Variants in PPP2R3B observed in about 807,000 individuals in gnomAD.
PPP2R3B encodes the protein protein phosphatase 2 regulatory subunit B''beta.
Under a neutral mutation model 72.9 loss-of-function variants are expected in PPP2R3B, and 68 were observed. The observed-to-expected ratio is 0.93, with a 90% CI of 0.77 to 1.14. The LOEUF is 1.14. Ranked by LOEUF, PPP2R3B falls within the 50% of genes most tolerant of loss-of-function variation. PPP2R3B has a pLI of 0.00. For synonymous variants in PPP2R3B, 466 were observed against 375.8 expected (o/e 1.24, Z -2.78); for missense variants, 1,018 against 842.0 (o/e 1.21, Z -2.59).
chrX:383,577 C>T (rs763991086), intron 1 of PPP2R3B, among the ~76,000 whole-genome samples: 2 of 152,184 alleles, frequency 1.3e-5, no homozygotes, highest in Admixed American at 1.3e-4. Flanking sequence ...GTGGCTCACA[C>T]CTGTAATCCC....
intron 12 of PPP2R3B, chrX:336,566 A>T (rs951321079): frequency 2.6e-5 from 4 of 152,316 alleles, no homozygotes; most frequent in Non-Finnish European, 4.4e-5. Flanking sequence ...GAAAGGAAGT[A>T]ACGTACACAG....
chrX:355,502 G>A (rs1298101037), intron 2 of PPP2R3B, among the ~76,000 whole-genome samples: 2 of 152,202 alleles, frequency 1.3e-5, no homozygotes, highest in Non-Finnish European at 2.9e-5. Flanking sequence ...TTCACACGGT[G>A]GGAACGAACA....
intron 2 of PPP2R3B, among the ~76,000 whole-genome samples, chrX:349,864 G>A (rs183941103): frequency 1.2e-4 from 19 of 152,304 alleles, no homozygotes; most frequent in Non-Finnish European, 2.5e-4. Context: ...ACGTGGTGAG[G>A]TGGACCTCAC....
At chrX:360,245 A>C (rs1320593870) in intron 2 of PPP2R3B, among the ~76,000 whole-genome samples, 1 of 152,208 alleles carries the variant, frequency 6.6e-6, no homozygotes, top group East Asian at 1.9e-4. Context: ...TTAAAAAAAC[A>C]AAACCCGGCC....
chrX:363,677 C>A (rs1443924594), intron 1 of PPP2R3B, among the ~76,000 whole-genome samples: 1 of 143,286 alleles, frequency 7.0e-6, no homozygotes, highest in Non-Finnish European at 1.5e-5. Flanking sequence ...CACAATGCAT[C>A]TCCCCAAGCC....
At chrX:346,444 A>G in intron 5 of PPP2R3B, 184 bp from the exon 6 acceptor site, 1 of 654,232 alleles carries the variant, frequency 1.5e-6, no homozygotes, top group Admixed American at 3.1e-5. Flanking sequence ...GAAAGCGGGG[A>G]GGGTCTGGCC....
In PPP2R3B at chrX:341,002, C is replaced by A. The variant is rs1352369968; in HGVS notation, c.1176-62G>T. The A allele has an allele frequency of 1.9e-6, 3 of 1,584,710 alleles. No homozygotes were observed. In the South Asian group the frequency reaches 3.4e-5, roughly 18 times the overall value. ...GCCCTCCCAGCCCGTGACCTGCAGC[C>A]CCTGAGGCAGCCCCCACCGGGGGTG... On this transcript the variant is annotated intron_variant, in intron 9 of 12. Transcript: ENST00000390665.
chrX:346,625 A>C lies in PPP2R3B; in HGVS notation c.792+76T>G, dbSNP rs184703393. On this transcript the variant is annotated intron_variant, in intron 5 of 12. Transcript: ENST00000390665. ...CCCGGGCCCCGCCCGCCCCGTCCGC[A>C]GAAGCCCCGCGGCGGCCGCTGCAGA... 16,625 of 1,411,192 alleles carry C rather than the reference A, an allele frequency of 0.012. 1,604 individuals carry two copies. In the African/African-American group the frequency reaches 0.21, roughly 18 times the overall value. The allele number at this position is 1,411,192 out of a possible 1,614,324, so 87.4% of individuals were successfully genotyped here. A position where few individuals can be genotyped will look rare whatever the true frequency, so the allele number is the denominator to read the frequency against.
At chrX:356,565 G>A (rs759995249) in intron 2 of PPP2R3B, among the ~76,000 whole-genome samples, 40 of 152,302 alleles carry the variant, frequency 2.6e-4, no homozygotes, top group African/African-American at 9.4e-4. Flanking sequence ...GTGGCCACCA[G>A]ATGAGGCAGA....
chrX:334,838 T>C (rs2070846370), intron 12 of PPP2R3B: 1 of 310,870 alleles, frequency 3.2e-6, no homozygotes, highest in African/African-American at 2.2e-5. Context: ...TGTTTACAAC[T>C]GGGTCGTGGT....
intron 1 of PPP2R3B, among the ~76,000 whole-genome samples, chrX:371,294 T>A (rs1004924689): frequency 2.0e-5 from 3 of 151,850 alleles, no homozygotes; most frequent in Admixed American, 1.3e-4. Flanking sequence ...AGAGTACGTG[T>A]AACACGCCAT....
chrX:385,320 C>CT lies in PPP2R3B; in HGVS notation c.324+1047dup, dbSNP rs1178231888. ...CCTCCAAGTGCTTGTTTTTAGTTTT[C>CT]TTTTTTTTTTTTTTTTTTTTTTTTT... On this transcript the variant is annotated intron_variant, in intron 1 of 12. Coordinates refer to ENST00000390665, the MANE Select transcript of PPP2R3B (RefSeq NM_013239.5). Among the ~76,000 whole-genome samples, 480 of 75,664 alleles carry CT rather than the reference C, an allele frequency of 6.3e-3. 46 individuals are homozygous for CT. The highest frequency in any genetic ancestry group is 0.014 in the African/African-American group (275 of 19,484). The allele number at this position is 75,664 out of a possible 152,430, so 49.6% of individuals were successfully genotyped here.
chrX:367,711 G>C (rs372320208), intron 1 of PPP2R3B, among the ~76,000 whole-genome samples: 1 of 152,188 alleles, frequency 6.6e-6, no homozygotes, highest in African/African-American at 2.4e-5. Flanking sequence ...AGGCAACATC[G>C]ACCTCAATGC....
chrX:334,409 C>G lies in PPP2R3B; in HGVS notation c.1686G>C (p.Leu562=), dbSNP rs764892139. The G allele has an allele frequency of 6.3e-7, 1 of 1,587,448 alleles. No homozygotes were observed. Among genetic ancestry groups the G allele is most frequent in the Non-Finnish European group, 8.5e-7 (1 of 1,173,232 alleles). The change falls in exon 13 of 13, where the codon CTG becomes CTC. Residue 562 remains leucine, a synonymous_variant. Coordinates refer to ENST00000390665, the MANE Select transcript of PPP2R3B (RefSeq NM_013239.5). ...CCTCGTCCCCGCATGCGTACTCGTA[C>G]AGGTCCACGGCGCCCAGCGGTGAGG... ...EAPSPLGAVD[L]YEYACGDEDL... is the part of the protein sequence containing the mutation.
In PPP2R3B at chrX:347,709, C is replaced by T. The variant is rs1340611364; in HGVS notation, c.511-16G>A. On this transcript the variant is annotated splice_polypyrimidine_tract_variant and intron_variant, in intron 2 of 12. Coordinates refer to ENST00000390665, the MANE Select transcript of PPP2R3B (RefSeq NM_013239.5). ...AGCCGCAGGCCTGGGGCAGAGAGGG[C>T]AGGAGTGGGCAGTCAGCAGGGCCTG... 6.6e-7 allele frequency: 1 copy of T among 1,506,276 alleles called. No individual in the cohort carries two copies. Among genetic ancestry groups the T allele is most frequent in the South Asian group, 1.3e-5 (1 of 79,206 alleles). 93.3% of individuals were successfully genotyped at this position (1,506,276 alleles called of 1,614,324 possible). A position where few individuals can be genotyped will look rare whatever the true frequency, so the allele number is the denominator to read the frequency against.
At chrX:339,104 G>A (rs950692753) in intron 10 of PPP2R3B, among the ~76,000 whole-genome samples, 32 of 151,238 alleles carry the variant, frequency 2.1e-4, no homozygotes, top group Admixed American at 5.9e-4. Context: ...ATGCGGAGGC[G>A]ACTAGGGGCC....
intron 1 of PPP2R3B, among the ~76,000 whole-genome samples, chrX:384,451 C>T (rs1486551171): frequency 6.6e-6 from 1 of 151,968 alleles, no homozygotes; most frequent in East Asian, 1.9e-4. Flanking sequence ...TGCGCCACCA[C>T]GCCTGGCTAA....
intron 2 of PPP2R3B, among the ~76,000 whole-genome samples, chrX:355,258 AG>A (rs1480627252): frequency 6.6e-6 from 1 of 152,252 alleles, no homozygotes; most frequent in Non-Finnish European, 1.5e-5. Flanking sequence ...TACCACGTAC[AG>A]TGTCATCAGA....
chrX:346,237 G>T lies in PPP2R3B; in HGVS notation c.816C>A (p.Ala272=). 4 of 1,572,084 alleles carry T rather than the reference G, an allele frequency of 2.5e-6. No homozygotes were observed. Among genetic ancestry groups the T allele is most frequent in the Non-Finnish European group, 3.4e-6 (4 of 1,160,490 alleles). The part of the protein sequence containing the change: ...ITTVIQRIFY[A]VNRSWSGRIT... Reference sequence around the variant, plus strand: ...TCCTGCCGGACCAGGACCGGTTCACGGCGTAGAAGATCCGCTGGATGACCT... The same window carrying T: ...TCCTGCCGGACCAGGACCGGTTCACTGCGTAGAAGATCCGCTGGATGACCT... Residue 272 remains alanine (A), a synonymous_variant, in exon 6 of 13, where the codon GCC becomes GCA. Coordinates refer to ENST00000390665, the MANE Select transcript of PPP2R3B (RefSeq NM_013239.5).
Sources: gnomAD v4.1 joint callset for allele counts (sites outside exome capture counted in the v4.1 genomes callset) on GRCh38, gnomAD v4.1.1 for gene constraint, MANE v1.5 for transcripts, NCBI Gene and HGNC (gene_info 2026-07-23, HGNC 2026-07-21) for gene names.